CNTN1: variants seen among roughly 807,000 people sequenced by gnomAD.
CNTN1 encodes contactin 1, also known as contactin-1.
In CNTN1, 38 loss-of-function variants were observed where a neutral mutation model predicts 126.4. The observed-to-expected ratio is 0.30, with a 90% CI of 0.23 to 0.39. The LOEUF is 0.39. CNTN1 is among the 10% of genes least tolerant of loss of function. CNTN1 has a pLI of 1.00. For synonymous variants in CNTN1, 413 were observed against 422.6 expected, an observed-to-expected ratio of 0.98 and a Z score of 0.28; for missense variants, 1,009 against 1,248.4, an observed-to-expected ratio of 0.81 and a Z score of 2.89.
intron 1 of CNTN1, among the ~76,000 whole-genome samples, chr12:40,859,262 A>AG (rs1463958229): frequency 6.6e-6 from 1 of 152,184 alleles, no homozygotes; most frequent in African/African-American, 2.4e-5. Context: ...TAATAGTTCC[A>AG]GAAGGCGAGA....
chr12:40,865,781 A>G (rs1196585593), intron 1 of CNTN1, among the ~76,000 whole-genome samples: 1 of 151,992 alleles, frequency 6.6e-6, no homozygotes, highest in African/African-American at 2.4e-5. Context: ...GCTTCTTCTC[A>G]GTACTCTTTT....
chr12:40,995,929 A>C (rs761421525), intron 17 of CNTN1, among the ~76,000 whole-genome samples: 2 of 152,212 alleles, frequency 1.3e-5, no homozygotes, highest in Non-Finnish European at 2.9e-5. Context: ...TTTATGAAAC[A>C]GATGAGGAAG....
chr12:40,823,335 A>G (rs1409476936), intron 1 of CNTN1, among the ~76,000 whole-genome samples: 1 of 152,214 alleles, frequency 6.6e-6, no homozygotes. Context: ...GGCCTGAGCT[A>G]TGAAGTCATA....
At chr12:41,055,109 C>A (rs12809837) in intron 23 of CNTN1, among the ~76,000 whole-genome samples, 12,437 of 151,912 alleles carry the variant, frequency 0.082, 754 homozygotes, top group African/African-American at 0.16. Context: ...ATGTCCTAGA[C>A]GATGATAAAA....
intron 1 of CNTN1, among the ~76,000 whole-genome samples, chr12:40,731,527 T>A (rs956784911): frequency 6.6e-6 from 1 of 152,018 alleles, no homozygotes; most frequent in East Asian, 1.9e-4. Context: ...AAAAGTTTTT[T>A]AAAATGTACA....
chr12:40,730,917 T>C (rs1011652253), intron 1 of CNTN1, among the ~76,000 whole-genome samples: 1 of 152,108 alleles, frequency 6.6e-6, no homozygotes, highest in African/African-American at 2.4e-5. Context: ...AACGTTAATA[T>C]AATGTGTAGA....
Position 41,029,050 on chromosome 12 carries a change from T to C in CNTN1, c.2824-13T>C, listed in dbSNP as rs765253473. The C allele has an allele frequency of 1.9e-6, 3 of 1,613,560 alleles. No homozygotes were observed. The South Asian group carries it at 3.3e-5, about 18-fold the overall frequency. On this transcript the variant is annotated splice_polypyrimidine_tract_variant and intron_variant, in intron 22 of 23. Transcript: ENST00000551295. ...TGACTTTACTGCATATTTACATTTC[T>C]GTACTTTATAAGGTACTCTACAGAC...
chr12:40,766,818 T>C (rs937243223), intron 1 of CNTN1, among the ~76,000 whole-genome samples: 3 of 152,198 alleles, frequency 2.0e-5, no homozygotes, highest in African/African-American at 7.2e-5. Flanking sequence ...TCAGGCAAGG[T>C]TGTGACTGCC....
At chr12:40,753,038 T>C (rs367747372) in intron 1 of CNTN1, among the ~76,000 whole-genome samples, 9 of 152,244 alleles carry the variant, frequency 5.9e-5, no homozygotes, top group African/African-American at 2.2e-4. Flanking sequence ...TCTTCACATA[T>C]GGTAGTGGTA....
intron 1 of CNTN1, among the ~76,000 whole-genome samples, chr12:40,813,058 T>TCTTTCTTTCTTTCTTTCTTC (rs71078274): frequency 1.3e-3 from 138 of 104,698 alleles, no homozygotes; most frequent in Non-Finnish European, 1.5e-3. Context: ...TTTCTTTCTT[T>TCTTTCTTTCTTTCTTTCTTC]CTTCCTTCCT....
At chr12:40,861,931 T>A (rs1943127421) in intron 1 of CNTN1, among the ~76,000 whole-genome samples, 1 of 152,042 alleles carries the variant, frequency 6.6e-6, no homozygotes, top group Admixed American at 6.6e-5. Flanking sequence ...TTCTAGATAG[T>A]GAATTTTCTT....
At chr12:41,004,783 G>A (rs912759175) in intron 17 of CNTN1, among the ~76,000 whole-genome samples, 5 of 152,034 alleles carry the variant, frequency 3.3e-5, no homozygotes, top group African/African-American at 9.7e-5. Flanking sequence ...CATTTGCTTG[G>A]TGGATTTTTC....
intron 15 of CNTN1, among the ~76,000 whole-genome samples, chr12:40,977,096 T>C (rs1453432774): frequency 6.6e-6 from 1 of 152,104 alleles, no homozygotes; most frequent in Non-Finnish European, 1.5e-5. Context: ...ACATGAGATA[T>C]CAATCAACAC....
chr12:40,784,288 C>T (rs1295382384), intron 1 of CNTN1, among the ~76,000 whole-genome samples: 2 of 152,086 alleles, frequency 1.3e-5, no homozygotes, highest in African/African-American at 2.4e-5. Flanking sequence ...CTGCTACTTA[C>T]TTTTCTCACA....
At chr12:40,791,959 G>A (rs1940236298) in intron 1 of CNTN1, among the ~76,000 whole-genome samples, 1 of 152,052 alleles carries the variant, frequency 6.6e-6, no homozygotes, top group African/African-American at 2.4e-5. Flanking sequence ...ACTGTTTAGA[G>A]TTTTATGGGC....
intron 17 of CNTN1, among the ~76,000 whole-genome samples, chr12:41,003,746 T>A (rs950011763): frequency 1.3e-5 from 2 of 152,176 alleles, no homozygotes; most frequent in Non-Finnish European, 1.5e-5. Flanking sequence ...ATAGAGGTGT[T>A]CATAATATCC....
At chr12:40,773,204 C>T (rs1397121972) in intron 1 of CNTN1, among the ~76,000 whole-genome samples, 1 of 151,740 alleles carries the variant, frequency 6.6e-6, no homozygotes, top group Non-Finnish European at 1.5e-5. Context: ...GAGTTAAAGA[C>T]AACTGAATTC....
At chr12:40,766,055 A>G (rs756125537) in intron 1 of CNTN1, among the ~76,000 whole-genome samples, 8 of 152,156 alleles carry the variant, frequency 5.3e-5, no homozygotes, top group Non-Finnish European at 8.8e-5. Context: ...CTTGGCAAAC[A>G]TTAGAGGAAA....
intron 23 of CNTN1, among the ~76,000 whole-genome samples, chr12:41,059,403 G>A (rs1275507763): frequency 6.6e-6 from 1 of 152,124 alleles, no homozygotes; most frequent in East Asian, 1.9e-4. Context: ...CATTGCTATT[G>A]AGGCTTTTAG....
Sources: gnomAD v4.1 joint callset for allele counts (sites outside exome capture counted in the v4.1 genomes callset) on GRCh38, gnomAD v4.1.1 for gene constraint, MANE v1.5 for transcripts, NCBI Gene and HGNC (gene_info 2026-07-23, HGNC 2026-07-21) for gene names.